Variants in SLIT3 observed in about 807,000 individuals in gnomAD.
SLIT3 encodes the protein slit guidance ligand 3.
SLIT3 carries 68 observed loss-of-function variants against 184.0 expected under a neutral mutation model. The observed-to-expected ratio is 0.37, with a 90% CI of 0.30 to 0.45. The LOEUF (loss-of-function observed/expected upper bound fraction) is 0.45. SLIT3 is among the 20% of genes least tolerant of loss of function. The probability of loss-of-function intolerance (pLI) is 1.00; values close to 1 mark genes in which losing one functional copy is unlikely to be tolerated. For synonymous variants in SLIT3, 831 were observed against 828.6 expected (o/e 1.00, Z -0.05); for missense variants, 1,707 against 2,026.0 (o/e 0.84, Z 3.02).
At chr5:168,844,503 CCT>C (rs1303765763) in intron 6 of SLIT3, 79 bp downstream of exon 6, 13 of 1,294,790 alleles carry the variant, frequency 1.0e-5, no homozygotes, top group African/African-American at 8.7e-5. Flanking sequence ...ACACTCTCCC[CCT>C]CTCTCCTCCC....
intron 3 of SLIT3, among the ~76,000 whole-genome samples, chr5:169,206,846 T>C (rs1764083278): frequency 6.6e-6 from 1 of 152,190 alleles, no homozygotes; most frequent in Admixed American, 6.5e-5. Flanking sequence ...CTATAACTAA[T>C]TAGAATTTTT....
At chr5:168,999,478 A>G (rs1755629964) in intron 4 of SLIT3, among the ~76,000 whole-genome samples, 2 of 152,224 alleles carry the variant, frequency 1.3e-5, no homozygotes. Context: ...GTGCTGAGTG[A>G]TAACTAATCA....
intron 4 of SLIT3, among the ~76,000 whole-genome samples, chr5:169,006,578 T>TTCTCTCTCTCTCTCTCTCTC (rs369079733): frequency 1.4e-5 from 2 of 140,118 alleles, no homozygotes; most frequent in African/African-American, 5.4e-5. Flanking sequence ...TTTCCCCCTC[T>TTCTCTCTCTCTCTCTCTCTC]TCTCTCTCTC....
chr5:169,258,184 C>G (rs770718010), intron 1 of SLIT3, among the ~76,000 whole-genome samples: 22 of 152,138 alleles, frequency 1.4e-4, no homozygotes, highest in Non-Finnish European at 2.1e-4. Context: ...AGATTTGAAC[C>G]TGGGCTCTCT....
intron 4 of SLIT3, among the ~76,000 whole-genome samples, chr5:168,944,444 C>T (rs1367648504): frequency 6.6e-6 from 1 of 152,160 alleles, no homozygotes; most frequent in Non-Finnish European, 1.5e-5. Flanking sequence ...TGGGGAAGAA[C>T]AATTAACCCA....
intron 16 of SLIT3, among the ~76,000 whole-genome samples, chr5:168,755,213 A>G (rs1041308422): frequency 1.3e-5 from 2 of 152,198 alleles, no homozygotes; most frequent in African/African-American, 4.8e-5. Flanking sequence ...CCCAGCTGAC[A>G]GAACTGGGAT....
intron 4 of SLIT3, among the ~76,000 whole-genome samples, chr5:168,933,599 G>C (rs1473626433): frequency 1.3e-5 from 2 of 152,124 alleles, no homozygotes; most frequent in Non-Finnish European, 2.9e-5. Context: ...CCCTTTTTAA[G>C]TATGAGGAAA....
intron 29 of SLIT3, among the ~76,000 whole-genome samples, chr5:168,688,905 A>G (rs183391583): frequency 6.6e-6 from 1 of 152,354 alleles, no homozygotes; most frequent in East Asian, 1.9e-4. Context: ...TAGCTGGCCA[A>G]TACTTACAAG....
chr5:169,192,901 G>T (rs941917561), intron 4 of SLIT3, among the ~76,000 whole-genome samples: 3 of 152,138 alleles, frequency 2.0e-5, no homozygotes, highest in Non-Finnish European at 4.4e-5. Context: ...ATAAATAGAA[G>T]TATCTCCAAC....
Position 168,671,486 on chromosome 5 carries a change from G to A in SLIT3, c.3842-3C>T. On this transcript the variant is annotated splice_region_variant and splice_polypyrimidine_tract_variant and intron_variant, in intron 33 of 35. Transcript: ENST00000519560. ...GAGGCCGGTGGAGGTGGGGATGCCTGTGGGAGGGGAGCCAGGACAGTGGCC... is the reference window on the plus strand; with the variant it reads ...GAGGCCGGTGGAGGTGGGGATGCCTATGGGAGGGGAGCCAGGACAGTGGCC... 1.2e-6 allele frequency: 2 copies of A among 1,608,644 alleles called. No individual in the cohort carries two copies. The highest frequency in any genetic ancestry group is 2.2e-5 in the East Asian group (1 of 44,648).
intron 8 of SLIT3, among the ~76,000 whole-genome samples, chr5:168,814,861 G>T (rs982593646): frequency 1.3e-5 from 2 of 152,172 alleles, no homozygotes; most frequent in Admixed American, 6.5e-5. Flanking sequence ...AATCTTCATG[G>T]ATGTTCACTG....
intron 7 of SLIT3, among the ~76,000 whole-genome samples, chr5:168,817,936 G>A (rs1757390554): frequency 6.6e-6 from 1 of 151,234 alleles, no homozygotes; most frequent in Admixed American, 6.6e-5. Flanking sequence ...TCCCTGAGTT[G>A]TTCTTCGTTC....
intron 32 of SLIT3, among the ~76,000 whole-genome samples, chr5:168,682,452 A>C (rs956995708): frequency 6.6e-6 from 1 of 152,180 alleles, no homozygotes; most frequent in Admixed American, 6.5e-5. Flanking sequence ...GCCAACCCCT[A>C]GGGTTTTGGA....
At chr5:169,126,705 C>T (rs544325153) in intron 4 of SLIT3, among the ~76,000 whole-genome samples, 42 of 152,326 alleles carry the variant, frequency 2.8e-4, no homozygotes, top group African/African-American at 9.1e-4. Context: ...TGGAGATGCC[C>T]GAGTCTGCCA....
intron 4 of SLIT3, among the ~76,000 whole-genome samples, chr5:169,020,857 G>T (rs1241060538): frequency 1.3e-5 from 2 of 152,166 alleles, no homozygotes; most frequent in South Asian, 2.1e-4. Context: ...TAATGAATTT[G>T]TCTTCCCCAT....
At chr5:168,967,152 C>CTG (rs1440579774) in intron 4 of SLIT3, among the ~76,000 whole-genome samples, 1 of 151,924 alleles carries the variant, frequency 6.6e-6, no homozygotes, top group African/African-American at 2.4e-5. Context: ...GAAAAATGCT[C>CTG]TGTATATATT....
chr5:169,004,257 C>T (rs1477614843), intron 4 of SLIT3, among the ~76,000 whole-genome samples: 1 of 152,090 alleles, frequency 6.6e-6, no homozygotes, highest in East Asian at 1.9e-4. Flanking sequence ...GGGAATGGCT[C>T]CTTCGGGAGT....
chr5:168,780,734 C>A (rs1755940367), intron 12 of SLIT3, among the ~76,000 whole-genome samples: 1 of 152,104 alleles, frequency 6.6e-6, no homozygotes, highest in South Asian at 2.1e-4. Flanking sequence ...TAGTATTAAC[C>A]CTCTGTCATC....
chr5:169,014,120 CAGGCAGGT>C, intron 4 of SLIT3, among the ~76,000 whole-genome samples: 1 of 152,168 alleles, frequency 6.6e-6, no homozygotes, highest in East Asian at 1.9e-4. Context: ...GGCAGGCAGG[CAGGCAGGT>C]TGGTTATGTT....
Sources: gnomAD v4.1 joint callset for allele counts (sites outside exome capture counted in the v4.1 genomes callset) on GRCh38, gnomAD v4.1.1 for gene constraint, MANE v1.5 for transcripts, NCBI Gene and HGNC (gene_info 2026-07-23, HGNC 2026-07-21) for gene names.